SUCO: variants seen among roughly 807,000 people sequenced by gnomAD.
SUCO encodes the protein SUN domain containing ossification factor, also known as SUN domain-containing ossification factor.
SUCO carries 57 observed loss-of-function variants against 148.1 expected under a neutral mutation model. The ratio of observed to expected loss-of-function variants is 0.38; its 90% CI spans 0.31 to 0.48. The LOEUF (loss-of-function observed/expected upper bound fraction) is 0.48, where lower values mean the gene tolerates loss of function less well. Among genes scored for constraint, SUCO ranks in the 20% least tolerant of loss-of-function variants. SUCO has a pLI of 0.96. For missense variants in SUCO, 1,331 were observed against 1,468.2 expected, an observed-to-expected ratio of 0.91 and a Z score of 1.53; for synonymous variants, 470 against 502.7, an observed-to-expected ratio of 0.93 and a Z score of 0.87.
chr1:172,599,486 A>C lies in SUCO; in HGVS notation c.2914-578A>C, dbSNP rs887735428. 17 of 673,086 alleles carry C rather than the reference A, an allele frequency of 2.5e-5. No homozygotes were observed. The African/African-American group carries it at 3.1e-4, about 12-fold the overall frequency. 41.7% of individuals were successfully genotyped at this position (673,086 alleles called of 1,614,324 possible). On this transcript the variant is annotated intron_variant, in intron 19 of 23. Coordinates refer to ENST00000263688, the MANE Select transcript of SUCO (RefSeq NM_014283.5). ...AAGTTTCTAAAATTCAGTGCTGCCT[A>C]AAACAGATGGAAAGATAGGCATTTT... is the stretch of plus-strand genomic sequence containing the variant.
chr1:172,584,534 A>G (rs999111141), intron 15 of SUCO: 2 of 162,584 alleles, frequency 1.2e-5, no homozygotes, highest in African/African-American at 4.8e-5. Context: ...GCACTTTGAG[A>G]GGCTGAGGTG....
At chr1:172,567,683 T>C (rs1016333722) in intron 6 of SUCO, among the ~76,000 whole-genome samples, 6 of 152,238 alleles carry the variant, frequency 3.9e-5, no homozygotes, top group African/African-American at 1.2e-4. Context: ...ATGAACATTC[T>C]TATGCATATC....
chr1:172,603,420 TTAA>T lies in SUCO; in HGVS notation c.3265+638_3265+640del, dbSNP rs771312709. ...ACATATTTTATTTAGGAGTGCTTTC[TTAA>T]TAATCGATGGTTGTAGGATTTAGTA... On this transcript the variant is annotated intron_variant, in intron 22 of 23. Coordinates refer to ENST00000263688, the MANE Select transcript of SUCO (RefSeq NM_014283.5). Among the ~76,000 whole-genome samples the T allele has an allele frequency of 2.8e-4, 43 of 152,212 alleles. 1 individual carries two copies. In the South Asian group the frequency reaches 8.9e-3, roughly 32 times the overall value.
Position 172,585,095 on chromosome 1 carries a change from T to C in SUCO, c.1567+9T>C, listed in dbSNP as rs1263959569. The C allele has an allele frequency of 1.9e-6, 3 of 1,593,222 alleles. No individual in the cohort carries two copies. The highest frequency in any genetic ancestry group is 2.6e-6 in the Non-Finnish European group (3 of 1,166,126). On this transcript the variant is annotated intron_variant, in intron 16 of 23. Coordinates refer to ENST00000263688, the MANE Select transcript of SUCO (RefSeq NM_014283.5). ...TGAAGACCTGACAGAAGGTACCTAA[T>C]CATTTTATGGGTCTTTTAAATAGCT...
intron 1 of SUCO, among the ~76,000 whole-genome samples, chr1:172,549,460 CA>C (rs749725073): frequency 6.6e-6 from 1 of 151,866 alleles, no homozygotes; most frequent in Non-Finnish European, 1.5e-5. Flanking sequence ...TGATAAAAAA[CA>C]ATGGTTAAAG....
Position 172,596,646 on chromosome 1 carries a change from AGCTTT to A in SUCO, c.2914-3416_2914-3412del, listed in dbSNP as rs1206646610. Among the ~76,000 whole-genome samples, 4 of 152,274 alleles carry A rather than the reference AGCTTT, an allele frequency of 2.6e-5. No individual in the cohort carries two copies. The East Asian group carries it at 7.7e-4, about 29-fold the overall frequency. On this transcript the variant is annotated intron_variant, in intron 19 of 23. Coordinates refer to ENST00000263688, the MANE Select transcript of SUCO (RefSeq NM_014283.5). ...GTTGCTGCCTGATCCTTCCTCTGAA[AGCTTT>A]GTCTCAGAGGGGCACCCGGCCCCAT...
chr1:172,606,813 T>C (rs117318392), intron 22 of SUCO, among the ~76,000 whole-genome samples: 2 of 151,908 alleles, frequency 1.3e-5, no homozygotes, highest in East Asian at 3.9e-4. Context: ...CCCAGTCTCT[T>C]TTAGATTCTC....
chr1:172,534,368 T>G (rs917427288), intron 1 of SUCO, among the ~76,000 whole-genome samples: 5 of 152,182 alleles, frequency 3.3e-5, no homozygotes, highest in African/African-American at 1.2e-4. Context: ...GAAAAGATGC[T>G]TCTTCAGTCT....
intron 6 of SUCO, among the ~76,000 whole-genome samples, chr1:172,566,102 G>GC (rs759965733): frequency 1.5e-4 from 23 of 152,208 alleles, no homozygotes; most frequent in Non-Finnish European, 1.0e-4. Flanking sequence ...CCCATATGAG[G>GC]CAGTGGCATT....
intron 6 of SUCO, among the ~76,000 whole-genome samples, chr1:172,564,113 G>A (rs1435508708): frequency 1.3e-5 from 2 of 152,278 alleles, no homozygotes; most frequent in East Asian, 1.9e-4. Flanking sequence ...GTATGCAAAT[G>A]TCTGGATGTC....
intron 21 of SUCO, 24 bp downstream of exon 21, chr1:172,602,242 A>T (rs756087488): frequency 1.3e-6 from 2 of 1,554,632 alleles, no homozygotes; most frequent in South Asian, 2.4e-5. Context: ...TATATTTCAC[A>T]ATTTTATTTT....
chr1:172,578,384 A>T lies in SUCO; in HGVS notation c.1427A>T (p.Asp476Val). ...HSERQELFDE[D>V]YDYPLDYNTG... is the part of the protein sequence containing the mutation. ...GAACGCCAGGAACTATTTGATGAGGACTATGGTAAGTGACATCAAACAGAT... is the reference window on the plus strand; with the variant it reads ...GAACGCCAGGAACTATTTGATGAGGTCTATGGTAAGTGACATCAAACAGAT... Residue 476 changes from aspartate (D) to valine (V), a missense_variant, in exon 14 of 24, where the codon GAC becomes GTC. Coordinates refer to ENST00000263688, the MANE Select transcript of SUCO (RefSeq NM_014283.5). The T allele has an allele frequency of 6.2e-7, 1 of 1,610,562 alleles. No homozygotes were observed. The highest frequency in any genetic ancestry group is 8.5e-7 in the Non-Finnish European group (1 of 1,177,074).
At chr1:172,564,886 C>G (rs184552965) in intron 6 of SUCO, among the ~76,000 whole-genome samples, 1 of 152,256 alleles carries the variant, frequency 6.6e-6, no homozygotes, top group Admixed American at 6.5e-5. Flanking sequence ...TTAGTAACTT[C>G]CAAATTAAAC....
chr1:172,585,122 G>A (rs368455474), intron 16 of SUCO, 36 bp downstream of exon 16: 121 of 1,444,548 alleles, frequency 8.4e-5, no homozygotes, highest in Non-Finnish European at 1.1e-4. Context: ...TAAATAGCTG[G>A]TACTCCAGGG....
In SUCO at chr1:172,610,324, A is replaced by G; in HGVS notation, c.*65A>G. ...TGTTCTTTGAAGAACAGTCTGTAGTATTTGAAGGGTTTGGGGGAGGGAGAA... is the reference window on the plus strand; with the variant it reads ...TGTTCTTTGAAGAACAGTCTGTAGTGTTTGAAGGGTTTGGGGGAGGGAGAA... On this transcript the variant is annotated 3_prime_UTR_variant, in exon 24 of 24. Coordinates refer to ENST00000263688, the MANE Select transcript of SUCO (RefSeq NM_014283.5). The G allele has an allele frequency of 6.7e-7, 1 of 1,499,870 alleles. No homozygotes were observed. Among genetic ancestry groups the G allele is most frequent in the South Asian group, 1.4e-5 (1 of 70,502 alleles). 92.9% of individuals were successfully genotyped at this position (1,499,870 alleles called of 1,614,324 possible). A position where few individuals can be genotyped will look rare whatever the true frequency, so the allele number is the denominator to read the frequency against.
chr1:172,570,721 C>G lies in SUCO; in HGVS notation c.1040C>G (p.Thr347Ser). The stretch of plus-strand genomic sequence containing the variant: ...CTTTACATGTTGAATCCTTGCAGCA[C>G]TAAAATTTGGTGAGTTATACACAAT... ...MDLYMLNPCS[T>S]KIWFVIELCE... Residue 347 changes from threonine to serine, a missense_variant, in exon 9 of 24, where the codon ACT becomes AGT. Coordinates refer to ENST00000263688, the MANE Select transcript of SUCO (RefSeq NM_014283.5). The G allele has an allele frequency of 1.2e-6, 2 of 1,603,696 alleles. No homozygotes were observed. Among genetic ancestry groups the G allele is most frequent in the South Asian group, 2.2e-5 (2 of 90,634 alleles).
At chr1:172,557,464 G>T in intron 5 of SUCO, 47 bp downstream of exon 5, 1 of 1,608,294 alleles carries the variant, frequency 6.2e-7, no homozygotes, top group Non-Finnish European at 8.5e-7. Context: ...TGTAATAACA[G>T]CAGTGTCCTG....
At chr1:172,561,616 G>C (rs565985034) in intron 6 of SUCO, among the ~76,000 whole-genome samples, 9 of 152,224 alleles carry the variant, frequency 5.9e-5, no homozygotes, top group African/African-American at 2.2e-4. Context: ...GGACAAGAGA[G>C]GTGTTTCCTA....
chr1:172,542,974 T>C, intron 1 of SUCO: 1 of 985,198 alleles, frequency 1.0e-6, no homozygotes, highest in Non-Finnish European at 1.2e-6. Context: ...TAGAAGATAT[T>C]TGGAGAGCTG....
Sources: gnomAD v4.1 joint callset for allele counts (sites outside exome capture counted in the v4.1 genomes callset) on GRCh38, gnomAD v4.1.1 for gene constraint, MANE v1.5 for transcripts, NCBI Gene and HGNC (gene_info 2026-07-23, HGNC 2026-07-21) for gene names.